PDE3B: variants seen among roughly 807,000 people sequenced by gnomAD.
PDE3B encodes cGMP-inhibited 3',5'-cyclic phosphodiesterase 3B.
Under a neutral mutation model 116.8 loss-of-function variants are expected in PDE3B, and 66 were observed. The observed-to-expected ratio is 0.56, with a 90% confidence interval of 0.46 to 0.69. The LOEUF (loss-of-function observed/expected upper bound fraction) is 0.69. PDE3B is among the 30% of genes least tolerant of loss of function. The pLI, the probability that PDE3B is intolerant of heterozygous loss-of-function variation, is 0.00. For synonymous variants in PDE3B, 595 were observed against 533.6 expected (o/e 1.12, Z -1.59); for missense variants, 1,384 against 1,368.1 (o/e 1.01, Z -0.18).
chr11:14,708,763 AG>A (rs1855608193), intron 1 of PDE3B, among the ~76,000 whole-genome samples: 1 of 152,018 alleles, frequency 6.6e-6, no homozygotes, highest in Admixed American at 6.6e-5. Flanking sequence ...AAAAAAGTTC[AG>A]GGGTGAATTA....
chr11:14,709,190 T>G (rs985922817), intron 1 of PDE3B, among the ~76,000 whole-genome samples: 1 of 152,098 alleles, frequency 6.6e-6, no homozygotes, highest in Non-Finnish European at 1.5e-5. Flanking sequence ...TAAGAGAAAC[T>G]GGAAAGAATG....
intron 1 of PDE3B, among the ~76,000 whole-genome samples, chr11:14,668,701 CCTGT>C (rs1225492081): frequency 1.3e-5 from 2 of 152,152 alleles, no homozygotes; most frequent in Non-Finnish European, 2.9e-5. Flanking sequence ...GCAGCACAAT[CCTGT>C]CTGTCTGCTT....
rs1848133102 is a variant in PDE3B at position 14,871,079 on chromosome 11, G to A, written c.*1419G>A. Reference sequence around the variant, plus strand: ...TTGGAATCATGCAATTTTGCACACAGTGAAACCATTAATTTTCCAAGGTAA... The same window carrying A: ...TTGGAATCATGCAATTTTGCACACAATGAAACCATTAATTTTCCAAGGTAA... On this transcript the variant is annotated 3_prime_UTR_variant, in exon 16 of 16. Coordinates refer to ENST00000282096, the MANE Select transcript of PDE3B (RefSeq NM_000922.4). The A allele has an allele frequency of 6.6e-6, 1 of 152,092 alleles. No homozygotes were observed. Among genetic ancestry groups the A allele is most frequent in the African/African-American group, 2.4e-5 (1 of 41,438 alleles). The allele number at this position is 152,092 out of a possible 1,614,324, so 9.4% of individuals were successfully genotyped here. A position where few individuals can be genotyped will look rare whatever the true frequency, so the allele number is the denominator to read the frequency against.
rs1295303530 is a variant in PDE3B, at chr11:14,718,378, C to A, written c.979-53559C>A. On this transcript the variant is annotated intron_variant, in intron 1 of 15. Transcript: ENST00000282096. ...ACAGATCAACGAGACAGAAAGTCAACAAGGATACCCAGGAATTGAACTCAT... is the reference window on the plus strand; with the variant it reads ...ACAGATCAACGAGACAGAAAGTCAAAAAGGATACCCAGGAATTGAACTCAT... Among the ~76,000 whole-genome samples the A allele has an allele frequency of 4.3e-4, 59 of 138,668 alleles. 1 individual carries two copies. Among genetic ancestry groups the A allele is most frequent in the African/African-American group, 1.6e-3 (59 of 36,348 alleles). 91.0% of individuals were successfully genotyped at this position (138,668 alleles called of 152,430 possible).
At position 14,864,518 on chromosome 11, in the gene PDE3B, C is replaced by T. The variant is rs138011545; in HGVS notation, c.2887-2988C>T. ...ATATACATTCTTCTCAGCACCACAT[C>T]GCACTTGTTCTAAAATTGACCACAT... On this transcript the variant is annotated intron_variant, in intron 14 of 15. Transcript: ENST00000282096. 2.4e-4 allele frequency among the ~76,000 whole-genome samples: 36 copies of T among 152,270 alleles called. No individual in the cohort carries two copies. The East Asian group carries it at 2.7e-3, about 11-fold the overall frequency.
At chr11:14,721,196 A>C (rs554762674) in intron 1 of PDE3B, among the ~76,000 whole-genome samples, 19 of 152,312 alleles carry the variant, frequency 1.2e-4, no homozygotes, top group South Asian at 4.2e-4. Flanking sequence ...ACTGGCCATC[A>C]GAGAAATGCA....
chr11:14,658,728 T>A (rs1036225417), intron 1 of PDE3B, among the ~76,000 whole-genome samples: 1 of 152,238 alleles, frequency 6.6e-6, no homozygotes, highest in African/African-American at 2.4e-5. Context: ...GCCTAGATTC[T>A]GCCTTTGTTC....
the PDE3B span, among the ~76,000 whole-genome samples, chr11:14,895,342 A>G: frequency 2.0e-5 from 3 of 152,262 alleles, no homozygotes; most frequent in Non-Finnish European, 4.4e-5. Flanking sequence ...AAAAAAGTCA[A>G]TAATAGTGAT....
At chr11:14,695,998 A>T (rs1855196357) in intron 1 of PDE3B, among the ~76,000 whole-genome samples, 1 of 152,030 alleles carries the variant, frequency 6.6e-6, no homozygotes, top group Non-Finnish European at 1.5e-5. Flanking sequence ...TAATATACTG[A>T]TTTATATTCC....
the PDE3B span, among the ~76,000 whole-genome samples, chr11:14,896,938 C>T: frequency 6.6e-6 from 1 of 152,258 alleles, no homozygotes; most frequent in Non-Finnish European, 1.5e-5. Flanking sequence ...AGCAACAATT[C>T]TGGAGACATC....
At chr11:14,773,266 TTA>T (rs1273842216) in intron 2 of PDE3B, 1 of 152,116 alleles carries the variant, frequency 6.6e-6, no homozygotes, top group African/African-American at 2.4e-5. Flanking sequence ...ATTACATTGT[TTA>T]TGTTTGTTAA....
In PDE3B at chr11:14,668,108, A is replaced by C. The variant is rs568393262; in HGVS notation, c.978+23055A>C. ...GTTTAAAAGGAAGAAAGGGGGAGAC[A>C]TCCAGGTAAGAGGACACGTATGCTG... On this transcript the variant is annotated intron_variant, in intron 1 of 15. Coordinates refer to ENST00000282096, the MANE Select transcript of PDE3B (RefSeq NM_000922.4). 2.6e-5 allele frequency among the ~76,000 whole-genome samples: 4 copies of C among 152,006 alleles called. No homozygotes were observed. The South Asian group carries it at 6.2e-4, about 24-fold the overall frequency.
At chr11:14,765,389 G>T (rs1440387329) in intron 1 of PDE3B, among the ~76,000 whole-genome samples, 2 of 151,798 alleles carry the variant, frequency 1.3e-5, no homozygotes, top group Non-Finnish European at 2.9e-5. Context: ...TTTCACTGTG[G>T]TTTTGGTGGT....
the PDE3B span, among the ~76,000 whole-genome samples, chr11:14,883,641 A>G: frequency 6.6e-6 from 1 of 152,184 alleles, no homozygotes; most frequent in African/African-American, 2.4e-5. Flanking sequence ...CTTCATGTCT[A>G]AAACACCAAA....
At chr11:14,782,940 A>C (rs923345196) in intron 2 of PDE3B, among the ~76,000 whole-genome samples, 1 of 152,222 alleles carries the variant, frequency 6.6e-6, no homozygotes, top group African/African-American at 2.4e-5. Context: ...ACCCCATCAA[A>C]AAGTGAGCAA....
chr11:14,724,022 G>T (rs1856205574), intron 1 of PDE3B, among the ~76,000 whole-genome samples: 1 of 152,176 alleles, frequency 6.6e-6, no homozygotes, highest in Admixed American at 6.5e-5. Context: ...TATCATTGTA[G>T]TTAAAATATG....
intron 1 of PDE3B, among the ~76,000 whole-genome samples, chr11:14,705,434 T>G (rs1051454030): frequency 6.6e-6 from 1 of 151,776 alleles, no homozygotes; most frequent in Non-Finnish European, 1.5e-5. Flanking sequence ...ATTTTAGAAA[T>G]CAAAAACTAA....
intron 1 of PDE3B, among the ~76,000 whole-genome samples, chr11:14,713,695 T>TACACACACACACACACAC (rs68083046): frequency 6.7e-6 from 1 of 149,770 alleles, no homozygotes; most frequent in African/African-American, 2.5e-5. Context: ...AAAAAATCTT[T>TACACACACACACACACAC]ACACACACAC....
intron 1 of PDE3B, among the ~76,000 whole-genome samples, chr11:14,696,142 CT>C: frequency 6.6e-6 from 1 of 152,236 alleles, no homozygotes; most frequent in Non-Finnish European, 1.5e-5. Flanking sequence ...AAAAGTGTTC[CT>C]GTTTCTCCAC....
Sources: allele counts gnomAD v4.1 joint callset (sites outside exome capture counted in the v4.1 genomes callset), GRCh38; gene constraint gnomAD v4.1.1; transcripts MANE v1.5; gene names NCBI Gene and HGNC (gene_info 2026-07-23, HGNC 2026-07-21).